Variants in TAOK1 observed in about 807,000 individuals in gnomAD.
TAOK1 encodes the protein serine/threonine-protein kinase TAO1.
A neutral mutation model predicts 138.3 loss-of-function variants in TAOK1; 21 were observed. The ratio of observed to expected loss-of-function variants is 0.15; its 90% CI spans 0.11 to 0.22. The LOEUF (loss-of-function observed/expected upper bound fraction) is 0.22. Ranked by LOEUF, TAOK1 falls within the 10% of genes least tolerant of loss-of-function variation. The pLI is 1.00. For synonymous variants in TAOK1, 361 were observed against 398.4 expected (o/e 0.91, Z 1.12); for missense variants, 651 against 1,227.7 (o/e 0.53, Z 7.02).
intron 1 of TAOK1, among the ~76,000 whole-genome samples, chr17:29,442,969 TATC>T (rs1442985642): frequency 2.6e-5 from 4 of 152,176 alleles, no homozygotes; most frequent in African/African-American, 4.8e-5. Flanking sequence ...TCAGTTGTAT[TATC>T]ATTTCATTTA....
In TAOK1 at chr17:29,411,518, A is replaced by G. The variant is rs542250565; in HGVS notation, c.-95+20494A>G. 2.6e-5 allele frequency among the ~76,000 whole-genome samples: 4 copies of G among 151,922 alleles called. No homozygotes were observed. The East Asian group carries it at 5.8e-4, about 22-fold the overall frequency. On this transcript the variant is annotated intron_variant, in intron 1 of 19. Coordinates refer to ENST00000261716, the MANE Select transcript of TAOK1 (RefSeq NM_020791.4). ...GCAATTCTCCTGCCTCAGCCTCCCA[A>G]GTAGCTGGAACTACAGGCACACACC...
In TAOK1 at chr17:29,426,584, G is replaced by C. The variant is rs528715151; in HGVS notation, c.-94-24871G>C. Among the ~76,000 whole-genome samples, 4 of 152,296 alleles carry C rather than the reference G, an allele frequency of 2.6e-5. No homozygotes were observed. The East Asian group carries it at 7.7e-4, about 29-fold the overall frequency. On this transcript the variant is annotated intron_variant, in intron 1 of 19. Coordinates refer to ENST00000261716, the MANE Select transcript of TAOK1 (RefSeq NM_020791.4). The stretch of plus-strand genomic sequence containing the variant: ...CCAGGGGCATCTGTCAAAGGGGCGA[G>C]TGAGGACTGAAATTCGGTCTGTGCT...
chr17:29,520,014 CTAAAA>C (rs2031886833), intron 16 of TAOK1, among the ~76,000 whole-genome samples: 1 of 151,940 alleles, frequency 6.6e-6, no homozygotes, highest in Non-Finnish European at 1.5e-5. Flanking sequence ...TCTATCTCCA[CTAAAA>C]ATATTTTAAA....
At chr17:29,406,952 A>G (rs1353770480) in intron 1 of TAOK1, among the ~76,000 whole-genome samples, 2 of 152,196 alleles carry the variant, frequency 1.3e-5, no homozygotes, top group African/African-American at 4.8e-5. Flanking sequence ...GAATTTTTAC[A>G]GATGTGTATG....
intron 1 of TAOK1, among the ~76,000 whole-genome samples, chr17:29,418,952 A>G (rs1235778578): frequency 1.0e-5 from 1 of 99,312 alleles, no homozygotes; most frequent in African/African-American, 4.0e-5. Context: ...TTTTTTATGT[A>G]TGTTTTAGAA....
intron 1 of TAOK1, among the ~76,000 whole-genome samples, chr17:29,410,138 G>A (rs1441663442): frequency 2.0e-5 from 3 of 152,144 alleles, no homozygotes; most frequent in African/African-American, 4.8e-5. Flanking sequence ...CTGTGTGAGC[G>A]GGCAAAGCAC....
chr17:29,473,053 T>A (rs932768131), intron 3 of TAOK1, among the ~76,000 whole-genome samples: 7 of 152,220 alleles, frequency 4.6e-5, no homozygotes, highest in African/African-American at 1.4e-4. Flanking sequence ...AAGGAATCTT[T>A]CTGAGCAGTA....
intron 1 of TAOK1, among the ~76,000 whole-genome samples, chr17:29,440,981 A>G (rs1486203925): frequency 6.6e-6 from 1 of 152,160 alleles, no homozygotes; most frequent in Non-Finnish European, 1.5e-5. Context: ...AAAGTGATAT[A>G]TTACATTGAT....
At chr17:29,504,537 G>A (rs1170322506) in intron 13 of TAOK1, among the ~76,000 whole-genome samples, 1 of 151,948 alleles carries the variant, frequency 6.6e-6, no homozygotes, top group African/African-American at 2.4e-5. Flanking sequence ...GGGCGTGATG[G>A]CGGGCACCTG....
intron 16 of TAOK1, among the ~76,000 whole-genome samples, chr17:29,521,079 A>G (rs1290686283): frequency 6.6e-6 from 1 of 152,110 alleles, no homozygotes. Flanking sequence ...TGTATATTAT[A>G]TTATTAAATG....
At chr17:29,397,217 C>T (rs952841550) in intron 1 of TAOK1, among the ~76,000 whole-genome samples, 1 of 151,808 alleles carries the variant, frequency 6.6e-6, no homozygotes, top group Non-Finnish European at 1.5e-5. Flanking sequence ...ATCATTTGAA[C>T]CTGGGAGGCA....
intron 6 of TAOK1, chr17:29,480,071 T>C (rs527286712): frequency 1.1e-5 from 2 of 186,124 alleles, no homozygotes; most frequent in Non-Finnish European, 2.2e-5. Context: ...TAAAAACCAT[T>C]GTTTCTACCA....
At chr17:29,508,184 G>T in intron 14 of TAOK1, 52 bp downstream of exon 14, 1 of 1,507,978 alleles carries the variant, frequency 6.6e-7, no homozygotes, top group East Asian at 2.3e-5. Flanking sequence ...GAATGTCTCA[G>T]AATTAACCAA....
chr17:29,488,219 C>G (rs1201266326), intron 8 of TAOK1, among the ~76,000 whole-genome samples: 1 of 152,196 alleles, frequency 6.6e-6, no homozygotes, highest in Non-Finnish European at 1.5e-5. Context: ...TGAATAATCT[C>G]TGGATTACTT....
chr17:29,542,398 T>A (rs1282275913), intron 19 of TAOK1, among the ~76,000 whole-genome samples, 163 bp from the exon 20 acceptor site: 2 of 152,124 alleles, frequency 1.3e-5, no homozygotes, highest in Non-Finnish European at 2.9e-5. Context: ...ACTTTAAAAA[T>A]TTTTTAATAA....
intron 1 of TAOK1, among the ~76,000 whole-genome samples, chr17:29,397,406 A>G (rs548690804): frequency 1.8e-4 from 28 of 151,862 alleles, no homozygotes; most frequent in African/African-American, 6.8e-4. Context: ...GTTCGAGACC[A>G]GCCTGGCCAG....
At chr17:29,491,926 C>T in intron 10 of TAOK1, 61 bp downstream of exon 10, 3 of 1,333,322 alleles carry the variant, frequency 2.3e-6, no homozygotes, top group Non-Finnish European at 2.1e-6. Flanking sequence ...ACTTTGTCAC[C>T]CAGGCTGGAG....
At chr17:29,423,196 T>C (rs1236649599) in intron 1 of TAOK1, among the ~76,000 whole-genome samples, 2 of 149,244 alleles carry the variant, frequency 1.3e-5, no homozygotes, top group Admixed American at 6.7e-5. Flanking sequence ...TGGATGCTTA[T>C]ATTTTGGTAC....
At chr17:29,444,604 C>G (rs1005384063) in intron 1 of TAOK1, among the ~76,000 whole-genome samples, 23 of 152,090 alleles carry the variant, frequency 1.5e-4, no homozygotes, top group African/African-American at 5.3e-4. Flanking sequence ...AGTGCTTCAC[C>G]TTTATTCTTT....
Sources: gnomAD v4.1 joint callset for allele counts (sites outside exome capture counted in the v4.1 genomes callset) on GRCh38, gnomAD v4.1.1 for gene constraint, MANE v1.5 for transcripts, NCBI Gene and HGNC (gene_info 2026-07-23, HGNC 2026-07-21) for gene names.